Variants in DENR observed in about 807,000 individuals in gnomAD.
DENR encodes density regulated re-initiation and release factor, also known as density-regulated protein.
In DENR, 6 loss-of-function variants were observed where a neutral mutation model predicts 30.6. The ratio of observed to expected loss-of-function variants is 0.20; its 90% CI spans 0.11 to 0.39. DENR has a LOEUF of 0.39. DENR is among the 10% of genes least tolerant of loss of function. The probability of loss-of-function intolerance (pLI) is 1.00; values close to 1 mark genes in which losing one functional copy is unlikely to be tolerated. For synonymous variants in DENR, 78 were observed against 72.1 expected (o/e 1.08, Z -0.41); for missense variants, 141 against 230.9 (o/e 0.61, Z 2.52).
chr12:122,762,825 GTTC>G lies in DENR; in HGVS notation c.127-17_127-15del. ...ACTGAAAATGTTTTGTTGTGACTCAGTTCTTTTTTTTTCTCCTAGTACTGTGAA... is the reference window on the plus strand; with the variant it reads ...ACTGAAAATGTTTTGTTGTGACTCAGTTTTTTTTTCTCCTAGTACTGTGAA... On this transcript the variant is annotated splice_polypyrimidine_tract_variant and intron_variant, in intron 3 of 7. Coordinates refer to ENST00000280557, the MANE Select transcript of DENR (RefSeq NM_003677.5). 6.8e-7 allele frequency: 1 copy of G among 1,470,156 alleles called. No homozygotes were observed. The highest frequency in any genetic ancestry group is 9.2e-7 in the Non-Finnish European group (1 of 1,084,734). The allele number at this position is 1,470,156 out of a possible 1,614,324, so 91.1% of individuals were successfully genotyped here. A position where few individuals can be genotyped will look rare whatever the true frequency, so the allele number is the denominator to read the frequency against.
rs1338489140 is a variant in DENR, at chr12:122,769,265, CATAT to C, written c.*190_*193del. 44 of 752,578 alleles carry C rather than the reference CATAT, an allele frequency of 5.8e-5. 1 individual carries two copies. Among genetic ancestry groups the C allele is most frequent in the South Asian group, 2.7e-4 (5 of 18,596 alleles). 46.6% of individuals were successfully genotyped at this position (752,578 alleles called of 1,614,324 possible). On this transcript the variant is annotated 3_prime_UTR_variant, in exon 8 of 8. Coordinates refer to ENST00000280557, the MANE Select transcript of DENR (RefSeq NM_003677.5). ...ATACATGTATATATATATACATACA[CATAT>C]ATGTATACATATATACACATATATG...
chr12:122,769,535 C>A lies in DENR; in HGVS notation c.*457C>A. Reference sequence around the variant, plus strand: ...CTCTCTTTTTTTTTTTTGACAGAGTCTCGCACTGTTGCCTGGGCTGGAATG... The same window carrying A: ...CTCTCTTTTTTTTTTTTGACAGAGTATCGCACTGTTGCCTGGGCTGGAATG... On this transcript the variant is annotated 3_prime_UTR_variant, in exon 8 of 8. Transcript: ENST00000280557. 1.1e-6 allele frequency: 1 copy of A among 946,930 alleles called. No homozygotes were observed. Among genetic ancestry groups the A allele is most frequent in the Non-Finnish European group, 1.3e-6 (1 of 788,294 alleles). The allele number at this position is 946,930 out of a possible 1,614,324, so 58.7% of individuals were successfully genotyped here. A position where few individuals can be genotyped will look rare whatever the true frequency, so the allele number is the denominator to read the frequency against.
rs1358186308 is a variant in DENR at position 122,770,102 on chromosome 12, G to C, written c.*1024G>C. ...GTTTGAGCTATTCTGGAGATTATTT[G>C]GTAAAGTATACTAAAAGCCTTAAAA... On this transcript the variant is annotated 3_prime_UTR_variant, in exon 8 of 8. Transcript: ENST00000280557. The C allele has an allele frequency of 6.6e-6, 1 of 152,542 alleles. No individual in the cohort carries two copies. The highest frequency in any genetic ancestry group is 1.5e-5 in the Non-Finnish European group (1 of 68,048). The allele number at this position is 152,542 out of a possible 1,614,324, so 9.4% of individuals were successfully genotyped here.
chr12:122,755,102 C>T (rs1878511719), intron 2 of DENR, among the ~76,000 whole-genome samples: 1 of 152,046 alleles, frequency 6.6e-6, no homozygotes, highest in Non-Finnish European at 1.5e-5. Flanking sequence ...CAGAGAGAGA[C>T]AGTATATGAG....
rs2135510578 is a variant in DENR, at chr12:122,762,194, A to G, written c.114A>G (p.Ser38=). The G allele has an allele frequency of 1.4e-6, 2 of 1,432,026 alleles. No individual in the cohort carries two copies. The highest frequency in any genetic ancestry group is 1.9e-6 in the Non-Finnish European group (2 of 1,053,288). The allele number at this position is 1,432,026 out of a possible 1,614,324, so 88.7% of individuals were successfully genotyped here. Residue 38 remains serine (S), a synonymous_variant, in exon 3 of 8, where the codon TCA becomes TCG. Coordinates refer to ENST00000280557, the MANE Select transcript of DENR (RefSeq NM_003677.5). ...PLRVLYCGVC[S]LPTEYCEYMP... ...TTCTTTTTACTTCCTCAGTCTGTTCATTACCAACAGAGGTAAGTTCTTTAA... is the reference window on the plus strand; with the variant it reads ...TTCTTTTTACTTCCTCAGTCTGTTCGTTACCAACAGAGGTAAGTTCTTTAA...
chr12:122,769,115 A>G lies in DENR; in HGVS notation c.*37A>G, dbSNP rs375401513. The G allele has an allele frequency of 2.5e-6, 4 of 1,586,764 alleles. No individual in the cohort carries two copies. Among genetic ancestry groups the G allele is most frequent in the Non-Finnish European group, 3.4e-6 (4 of 1,168,652 alleles). On this transcript the variant is annotated 3_prime_UTR_variant, in exon 8 of 8. Coordinates refer to ENST00000280557, the MANE Select transcript of DENR (RefSeq NM_003677.5). Reference sequence around the variant, plus strand: ...TGTCTGTATTTAATGGCCTGAACTGAGAGTTGATATGGCCAAAGGGAGAGA... The same window carrying G: ...TGTCTGTATTTAATGGCCTGAACTGGGAGTTGATATGGCCAAAGGGAGAGA...
intron 1 of DENR, among the ~76,000 whole-genome samples, chr12:122,753,397 G>C (rs1878466381): frequency 6.6e-6 from 1 of 152,082 alleles, no homozygotes; most frequent in Non-Finnish European, 1.5e-5. Flanking sequence ...CTCCGTGTCT[G>C]CCGTGGGTAC....
chr12:122,770,758 T>G lies in DENR; in HGVS notation c.*1680T>G, dbSNP rs1382787363. 2 of 398,472 alleles carry G rather than the reference T, an allele frequency of 5.0e-6. No individual in the cohort carries two copies. Among genetic ancestry groups the G allele is most frequent in the Non-Finnish European group, 8.8e-6 (2 of 226,024 alleles). 24.7% of individuals were successfully genotyped at this position (398,472 alleles called of 1,614,324 possible). A position where few individuals can be genotyped will look rare whatever the true frequency, so the allele number is the denominator to read the frequency against. ...ATTACAATCTTGAATGAGTGTTTTT[T>G]AAAAATAAAGTATTAGAAAAATGTG... On this transcript the variant is annotated 3_prime_UTR_variant, in exon 8 of 8. Coordinates refer to ENST00000280557, the MANE Select transcript of DENR (RefSeq NM_003677.5).
chr12:122,759,757 A>G (rs1250337633), intron 2 of DENR, among the ~76,000 whole-genome samples: 2 of 152,100 alleles, frequency 1.3e-5, no homozygotes, highest in African/African-American at 2.4e-5. Context: ...TTGAAATAGT[A>G]TACAAAATTT....
chr12:122,754,905 G>A (rs1202246604), intron 2 of DENR, among the ~76,000 whole-genome samples: 1 of 152,256 alleles, frequency 6.6e-6, no homozygotes, highest in East Asian at 1.9e-4. Flanking sequence ...TCAAAGAAAA[G>A]ATACAATGTT....
Position 122,770,422 on chromosome 12 carries a change from GTCA to G in DENR, c.*1350_*1352del, listed in dbSNP as rs1177177022. The G allele has an allele frequency of 2.6e-5, 10 of 390,450 alleles. No individual in the cohort carries two copies. Among genetic ancestry groups the G allele is most frequent in the African/African-American group, 4.1e-5 (2 of 48,422 alleles). 24.2% of individuals were successfully genotyped at this position (390,450 alleles called of 1,614,324 possible). A position where few individuals can be genotyped will look rare whatever the true frequency, so the allele number is the denominator to read the frequency against. On this transcript the variant is annotated 3_prime_UTR_variant, in exon 8 of 8. Transcript: ENST00000280557. ...CCCAGATACATTTTAGACATTTATCGTCATCATCTGCTCTGAGTGGAAGGCCGT... is the reference window on the plus strand; with the variant it reads ...CCCAGATACATTTTAGACATTTATCGTCATCTGCTCTGAGTGGAAGGCCGT...
At chr12:122,763,133 G>A (rs556203317) in intron 4 of DENR, 8 of 456,286 alleles carry the variant, frequency 1.8e-5, no homozygotes, top group African/African-American at 1.4e-4. Context: ...CGGGCGCAGT[G>A]GCTCACACCT....
chr12:122,757,807 A>C (rs1052285072), intron 2 of DENR, among the ~76,000 whole-genome samples: 2 of 152,314 alleles, frequency 1.3e-5, no homozygotes, highest in East Asian at 3.9e-4. Flanking sequence ...TTGGATAATA[A>C]CTGTTTGGAA....
chr12:122,766,364 C>T (rs1475127980), intron 5 of DENR, among the ~76,000 whole-genome samples: 1 of 152,222 alleles, frequency 6.6e-6, no homozygotes, highest in Non-Finnish European at 1.5e-5. Flanking sequence ...GTGCGGACTT[C>T]TGTTCCTTCT....
intron 2 of DENR, among the ~76,000 whole-genome samples, chr12:122,758,309 A>T (rs1343192681): frequency 1.3e-5 from 2 of 152,036 alleles, no homozygotes; most frequent in African/African-American, 4.8e-5. Context: ...TGACCTTGTG[A>T]TCCACCCGCC....
rs564996234 is a variant in DENR, at chr12:122,769,269, T to C, written c.*191T>C. On this transcript the variant is annotated 3_prime_UTR_variant, in exon 8 of 8. Coordinates refer to ENST00000280557, the MANE Select transcript of DENR (RefSeq NM_003677.5). Reference sequence around the variant, plus strand: ...ATGTATATATATATACATACACATATATGTATACATATATACACATATATG... The same window carrying C: ...ATGTATATATATATACATACACATACATGTATACATATATACACATATATG... The C allele has an allele frequency of 1.2e-5, 9 of 762,508 alleles. No homozygotes were observed. In the African/African-American group the frequency reaches 1.7e-4, roughly 14 times the overall value. The allele number at this position is 762,508 out of a possible 1,614,324, so 47.2% of individuals were successfully genotyped here. A position where few individuals can be genotyped will look rare whatever the true frequency, so the allele number is the denominator to read the frequency against.
rs748839266 is a variant in DENR at position 122,770,635 on chromosome 12, G to A, written c.*1557G>A. 2.5e-6 allele frequency: 1 copy of A among 398,508 alleles called. No homozygotes were observed. The highest frequency in any genetic ancestry group is 4.4e-6 in the Non-Finnish European group (1 of 226,024). 24.7% of individuals were successfully genotyped at this position (398,508 alleles called of 1,614,324 possible). On this transcript the variant is annotated 3_prime_UTR_variant, in exon 8 of 8. Transcript: ENST00000280557. ...TTGATGAATTTAAACTTTAAGTCAG[G>A]TGCTGCAAATTGGAAAGAAGACTTG...
At position 122,770,737 on chromosome 12, in the gene DENR, C is replaced by T. The variant is rs1879015043; in HGVS notation, c.*1659C>T. The T allele has an allele frequency of 2.5e-6, 1 of 398,260 alleles. No individual in the cohort carries two copies. Among genetic ancestry groups the T allele is most frequent in the Admixed American group, 4.4e-5 (1 of 22,698 alleles). 24.7% of individuals were successfully genotyped at this position (398,260 alleles called of 1,614,324 possible). A position where few individuals can be genotyped will look rare whatever the true frequency, so the allele number is the denominator to read the frequency against. On this transcript the variant is annotated 3_prime_UTR_variant, in exon 8 of 8. Transcript: ENST00000280557. ...CCCTTGTTTATCGCCATGCAAATTA[C>T]AATCTTGAATGAGTGTTTTTTAAAA... is the stretch of plus-strand genomic sequence containing the variant.
chr12:122,768,836 C>A lies in DENR; in HGVS notation c.467C>A (p.Ala156Asp). The A allele has an allele frequency of 6.2e-7, 1 of 1,607,458 alleles. No individual in the cohort carries two copies. Among genetic ancestry groups the A allele is most frequent in the Admixed American group, 1.7e-5 (1 of 59,028 alleles). Residue 156 changes from alanine to aspartate, a missense_variant, in exon 7 of 8, where the codon GCC (alanine) becomes GAC (aspartate). Ala to Asp is a moderately radical substitution (Grantham distance 126). This residue lies in a region of DENR where 37 missense variants were observed against 92.6 expected (regional missense o/e 0.40). Transcript: ENST00000280557. ...TTTGCTCAAAAATTCTCCTGTGGTG[C>A]CTCAGTAACAGGGGAGGATGAAATT... ...RFFAQKFSCG[A>D]SVTGEDEIII...
Sources: gnomAD v4.1 joint callset for allele counts (sites outside exome capture counted in the v4.1 genomes callset) on GRCh38, gnomAD v4.1.1 for gene constraint, gnomAD v4.1.1 regional missense constraint, MANE v1.5 for transcripts, NCBI Gene and HGNC (gene_info 2026-07-23, HGNC 2026-07-21) for gene names.